SHC4: variants seen among roughly 807,000 people sequenced by gnomAD.
SHC4 encodes SHC adaptor protein 4.
Under a neutral mutation model 69.4 loss-of-function variants are expected in SHC4, and 41 were observed. The observed-to-expected ratio is 0.59, with a 90% CI of 0.46 to 0.77. The LOEUF is 0.77. Among genes scored for constraint, SHC4 ranks in the 30% least tolerant of loss-of-function variants. The pLI is 0.00. For missense variants in SHC4, 777 were observed against 783.8 expected, an observed-to-expected ratio of 0.99 and a Z score of 0.10; for synonymous variants, 318 against 299.3, an observed-to-expected ratio of 1.06 and a Z score of -0.64.
rs138281581 is a variant in SHC4 at position 48,836,380 on chromosome 15, A to C, written c.1484-1358T>G. On this transcript the variant is annotated intron_variant, in intron 10 of 11. Coordinates refer to ENST00000332408, the MANE Select transcript of SHC4 (RefSeq NM_203349.4). The stretch of plus-strand genomic sequence containing the variant: ...CACTCTGCTTTAGTAGTACCCACAG[A>C]GGTCCCTAGCAGGTAGCAAGGCTAA... 6.2e-3 allele frequency among the ~76,000 whole-genome samples: 950 copies of C among 152,278 alleles called. 8 individuals are homozygous for C. The highest frequency in any genetic ancestry group is 0.022 in the African/African-American group (897 of 41,550).
At chr15:48,882,821 T>C (rs1899968829) in intron 4 of SHC4, among the ~76,000 whole-genome samples, 1 of 152,222 alleles carries the variant, frequency 6.6e-6, no homozygotes, top group Admixed American at 6.5e-5. Context: ...AAATTTTGCA[T>C]CTACATATGT....
At chr15:48,935,517 A>T (rs1901052295) in intron 1 of SHC4, among the ~76,000 whole-genome samples, 1 of 152,222 alleles carries the variant, frequency 6.6e-6, no homozygotes, top group Non-Finnish European at 1.5e-5. Context: ...AATAACCTGC[A>T]TCCTAACTGG....
At chr15:48,924,772 A>C in intron 2 of SHC4, 107 bp downstream of exon 2, 1 of 1,195,624 alleles carries the variant, frequency 8.4e-7, no homozygotes, top group Admixed American at 1.8e-5. Context: ...AGTCGCGTGA[A>C]TAAAAGTGCA....
chr15:48,827,938 C>T (rs573604992), intron 11 of SHC4, among the ~76,000 whole-genome samples: 4 of 152,064 alleles, frequency 2.6e-5, no homozygotes, highest in Admixed American at 1.3e-4. Context: ...TTAACACAGC[C>T]CACTGTACCT....
intron 1 of SHC4, among the ~76,000 whole-genome samples, chr15:48,937,066 C>G (rs995928472): frequency 6.6e-6 from 1 of 152,348 alleles, no homozygotes; most frequent in South Asian, 2.1e-4. Context: ...CCACAAATGG[C>G]TCTTTCTGCT....
chr15:48,955,634 T>A (rs1901440516), intron 1 of SHC4, among the ~76,000 whole-genome samples: 1 of 152,232 alleles, frequency 6.6e-6, no homozygotes, highest in Admixed American at 6.5e-5. Flanking sequence ...GCCAAGCCAG[T>A]GCTCTTTGGT....
chr15:48,924,910 G>C lies in SHC4; in HGVS notation c.625C>G (p.Leu209Val). 1 of 1,614,044 alleles carries C rather than the reference G, an allele frequency of 6.2e-7. No individual in the cohort carries two copies. Among genetic ancestry groups the C allele is most frequent in the East Asian group, 2.2e-5 (1 of 44,880 alleles). ...CVEVLQSMRS[L>V]DFGMRTQVTR... ...ACTTGGGTTCTCATTCCAAAATCCA[G>C]TGATCTCATTGATTGCAGCACTTCA... The change falls in exon 2 of 12, where the codon CTG becomes GTG. Residue 209 changes from leucine to valine, a missense_variant. Coordinates refer to ENST00000332408, the MANE Select transcript of SHC4 (RefSeq NM_203349.4).
At chr15:48,921,429 G>A (rs1196598379) in intron 2 of SHC4, among the ~76,000 whole-genome samples, 1 of 151,934 alleles carries the variant, frequency 6.6e-6, no homozygotes, top group South Asian at 2.1e-4. Context: ...CCGCCTCCCG[G>A]GTTCAAGCAA....
rs2140960700 is a variant in SHC4, at chr15:48,826,019, T to C, written c.1845A>G (p.Gln615=). 6.2e-7 allele frequency: 1 copy of C among 1,614,050 alleles called. No homozygotes were observed. Among genetic ancestry groups the C allele is most frequent in the East Asian group, 2.2e-5 (1 of 44,844 alleles). The change falls in exon 12 of 12, where the codon CAA becomes CAG. Residue 615 remains glutamine (Q), a synonymous_variant. Coordinates refer to ENST00000332408, the MANE Select transcript of SHC4 (RefSeq NM_203349.4). ...ISSGSEVSLK[Q]PVRKDNNPAL... ...CTGGATTATTATCTTTTCTCACTGG[T>C]TGTTTAAGGCTTACTTCGCTTCCAG... is the stretch of plus-strand genomic sequence containing the variant.
chr15:48,892,735 C>T (rs1324247558), intron 2 of SHC4, among the ~76,000 whole-genome samples: 1 of 151,816 alleles, frequency 6.6e-6, no homozygotes, highest in Non-Finnish European at 1.5e-5. Context: ...TGGTGGCAGG[C>T]ACCAGTAATC....
At chr15:48,956,025 C>A in intron 1 of SHC4, among the ~76,000 whole-genome samples, 1 of 152,048 alleles carries the variant, frequency 6.6e-6, no homozygotes, top group East Asian at 1.9e-4. Context: ...AGGACTGGAC[C>A]AATCAAGGGA....
At chr15:48,874,406 G>C (rs78301249) in intron 4 of SHC4, among the ~76,000 whole-genome samples, 3,094 of 152,224 alleles carry the variant, frequency 0.02, 72 homozygotes, top group East Asian at 0.082. Flanking sequence ...GTTAGGAACC[G>C]GGCTGCAGAG....
intron 1 of SHC4, among the ~76,000 whole-genome samples, chr15:48,956,675 T>C (rs1436776576): frequency 6.6e-6 from 1 of 152,050 alleles, no homozygotes; most frequent in Non-Finnish European, 1.5e-5. Flanking sequence ...ACTTACTGCC[T>C]CCACCCATGC....
At position 48,851,763 on chromosome 15, in the gene SHC4, T is replaced by C. The variant is rs114413828; in HGVS notation, c.1243-515A>G. On this transcript the variant is annotated intron_variant, in intron 8 of 11. Coordinates refer to ENST00000332408, the MANE Select transcript of SHC4 (RefSeq NM_203349.4). Reference sequence around the variant, plus strand: ...AATATACTGTGGGGGAGGGATCCACTTGATGCCTTTGAGATGAACAGTGTC... The same window carrying C: ...AATATACTGTGGGGGAGGGATCCACCTGATGCCTTTGAGATGAACAGTGTC... Among the ~76,000 whole-genome samples, 1,328 of 152,290 alleles carry C rather than the reference T, an allele frequency of 8.7e-3. 18 individuals carry two copies. The highest frequency in any genetic ancestry group is 0.03 in the African/African-American group (1,259 of 41,546).
At chr15:48,880,121 G>A (rs544722936) in intron 4 of SHC4, 2 of 167,214 alleles carry the variant, frequency 1.2e-5, no homozygotes, top group African/African-American at 4.8e-5. Flanking sequence ...CAGTAAAAAT[G>A]TTCCAAATGC....
chr15:48,865,519 G>A (rs1269260598), intron 6 of SHC4, among the ~76,000 whole-genome samples: 1 of 152,180 alleles, frequency 6.6e-6, no homozygotes, highest in African/African-American at 2.4e-5. Context: ...TGCTTTCCAT[G>A]TGTTATGCAG....
intron 4 of SHC4, chr15:48,880,223 G>A (rs1242345265): frequency 6.0e-6 from 1 of 166,804 alleles, no homozygotes; most frequent in African/African-American, 2.4e-5. Flanking sequence ...GTCTTTTGGG[G>A]AGAGAGATCT....
At chr15:48,857,089 T>A (rs1899335343) in intron 7 of SHC4, among the ~76,000 whole-genome samples, 1 of 152,208 alleles carries the variant, frequency 6.6e-6, no homozygotes, top group Admixed American at 6.5e-5. Context: ...GCCAGAGGCA[T>A]CACTGCATTC....
intron 6 of SHC4, among the ~76,000 whole-genome samples, chr15:48,866,047 C>T (rs753992347): frequency 7.2e-5 from 11 of 152,192 alleles, no homozygotes; most frequent in Admixed American, 4.6e-4. Flanking sequence ...CTGTGACTGA[C>T]GGCAAAGTTA....
Sources: allele counts gnomAD v4.1 joint callset (sites outside exome capture counted in the v4.1 genomes callset), GRCh38; gene constraint gnomAD v4.1.1; transcripts MANE v1.5; gene names NCBI Gene and HGNC (gene_info 2026-07-23, HGNC 2026-07-21).